The following PRKN variants were observed in gnomAD, a reference collection of about 807,000 sequenced individuals.
PRKN encodes the protein E3 ubiquitin-protein ligase parkin.
A neutral mutation model predicts 59.5 loss-of-function variants in PRKN; 56 were observed. The ratio of observed to expected loss-of-function variants is 0.94; its 90% CI spans 0.76 to 1.18. The LOEUF (loss-of-function observed/expected upper bound fraction) is 1.18, where lower values mean the gene tolerates loss of function less well. PRKN is among the 50% of genes most tolerant of loss of function. PRKN has a pLI of 0.00. For missense variants in PRKN, 657 were observed against 596.4 expected, an observed-to-expected ratio of 1.10 and a Z score of -1.06; for synonymous variants, 250 against 222.1, an observed-to-expected ratio of 1.13 and a Z score of -1.12.
chr6:162,560,361 A>G (rs1012256675), intron 1 of PRKN, among the ~76,000 whole-genome samples: 7 of 152,312 alleles, frequency 4.6e-5, no homozygotes, highest in South Asian at 4.1e-4. Flanking sequence ...TCAATTACCT[A>G]TAAGTTTATA....
In PRKN at chr6:162,216,281, A is replaced by G. The variant is rs555675746; in HGVS notation, c.413-15029T>C. On this transcript the variant is annotated intron_variant, in intron 3 of 11. Transcript: ENST00000366898. ...CGCGGTGGCTCACGCCTGTAATCCCAGCACTTTGGGAGGCCGAGGCGGGTG... is the reference window on the plus strand; with the variant it reads ...CGCGGTGGCTCACGCCTGTAATCCCGGCACTTTGGGAGGCCGAGGCGGGTG... Among the ~76,000 whole-genome samples, 84 of 152,172 alleles carry G rather than the reference A, an allele frequency of 5.5e-4. 1 individual carries two copies. Among genetic ancestry groups the G allele is most frequent in the African/African-American group, 1.6e-3 (68 of 41,524 alleles).
At chr6:162,624,143 G>A (rs915532721) in intron 1 of PRKN, among the ~76,000 whole-genome samples, 11 of 151,810 alleles carry the variant, frequency 7.2e-5, no homozygotes, top group South Asian at 4.2e-4. Context: ...AGCTACTCGG[G>A]AGGCTGAGGC....
At chr6:162,724,590 T>C (rs988506985) in intron 1 of PRKN, among the ~76,000 whole-genome samples, 3 of 152,052 alleles carry the variant, frequency 2.0e-5, no homozygotes. Context: ...TAAAGAACAA[T>C]AAAATTAAAA....
At chr6:161,727,544 A>G (rs1313188568) in intron 7 of PRKN, among the ~76,000 whole-genome samples, 1 of 152,236 alleles carries the variant, frequency 6.6e-6, no homozygotes, top group African/African-American at 2.4e-5. Flanking sequence ...TTGATTGTAG[A>G]GAAAGTCTGC....
At chr6:161,586,335 C>T (rs1026237008) in intron 7 of PRKN, among the ~76,000 whole-genome samples, 1 of 152,162 alleles carries the variant, frequency 6.6e-6, no homozygotes, top group African/African-American at 2.4e-5. Context: ...TTGGTTTTGT[C>T]ACTATATTGC....
chr6:162,371,250 C>A (rs1429501947), intron 2 of PRKN, among the ~76,000 whole-genome samples: 1 of 152,158 alleles, frequency 6.6e-6, no homozygotes, highest in African/African-American at 2.4e-5. Context: ...TGGGCCCCGA[C>A]CCAAATCCTC....
intron 4 of PRKN, among the ~76,000 whole-genome samples, chr6:162,184,065 CTTTAAT>C (rs1783918097): frequency 6.6e-6 from 1 of 152,084 alleles, no homozygotes; most frequent in Non-Finnish European, 1.5e-5. Flanking sequence ...ATTTAATTTT[CTTTAAT>C]TTTAATTCAT....
intron 9 of PRKN, among the ~76,000 whole-genome samples, chr6:161,426,624 C>G (rs1481556165): frequency 7.5e-6 from 1 of 132,550 alleles, no homozygotes; most frequent in Non-Finnish European, 1.7e-5. Context: ...TGAGTTAATA[C>G]TACTTAATAA....
intron 9 of PRKN, among the ~76,000 whole-genome samples, chr6:161,449,807 T>C (rs1789647734): frequency 6.6e-6 from 1 of 152,190 alleles, no homozygotes; most frequent in Admixed American, 6.5e-5. Flanking sequence ...GTTATTGTTC[T>C]ACACAGACAG....
At chr6:162,182,943 T>A (rs535552436) in intron 4 of PRKN, among the ~76,000 whole-genome samples, 2 of 152,276 alleles carry the variant, frequency 1.3e-5, no homozygotes, top group South Asian at 4.1e-4. Context: ...TAAAATGCAT[T>A]ATTATTGGGT....
intron 7 of PRKN, among the ~76,000 whole-genome samples, chr6:161,644,186 T>C (rs1365624175): frequency 6.6e-6 from 1 of 152,098 alleles, no homozygotes; most frequent in Non-Finnish European, 1.5e-5. Context: ...GTCAGCTAAT[T>C]AGGAGGCTTA....
chr6:162,556,213 C>G (rs1037169872), intron 1 of PRKN, among the ~76,000 whole-genome samples: 15 of 151,998 alleles, frequency 9.9e-5, no homozygotes, highest in Admixed American at 1.3e-4. Context: ...AAATCTCAAA[C>G]CTGTTGCACA....
At chr6:162,371,011 G>A (rs1199588318) in intron 2 of PRKN, among the ~76,000 whole-genome samples, 1 of 152,176 alleles carries the variant, frequency 6.6e-6, no homozygotes, top group East Asian at 1.9e-4. Flanking sequence ...TTAGCCCAAT[G>A]GCCATCACTG....
intron 7 of PRKN, among the ~76,000 whole-genome samples, chr6:161,591,105 A>G (rs1446735504): frequency 6.6e-6 from 1 of 152,228 alleles, no homozygotes; most frequent in Non-Finnish European, 1.5e-5. Context: ...GTAAAGGACC[A>G]TCATGTTGGC....
intron 5 of PRKN, among the ~76,000 whole-genome samples, chr6:162,051,664 G>A (rs1396091977): frequency 6.6e-6 from 1 of 151,934 alleles, no homozygotes; most frequent in Non-Finnish European, 1.5e-5. Flanking sequence ...GACCTTCCCT[G>A]GAACCCAGGG....
chr6:161,420,448 G>A (rs149124868), intron 9 of PRKN, among the ~76,000 whole-genome samples: 326 of 152,244 alleles, frequency 2.1e-3, no homozygotes, highest in African/African-American at 7.5e-3. Flanking sequence ...GATGCCAACT[G>A]TTGGTGCCAG....
intron 2 of PRKN, among the ~76,000 whole-genome samples, chr6:162,378,770 GA>G (rs765992401): frequency 5.3e-5 from 8 of 152,164 alleles, no homozygotes; most frequent in Non-Finnish European, 1.2e-4. Flanking sequence ...AACTACTTAG[GA>G]AACTTATGCT....
In PRKN at chr6:161,456,743, A is replaced by C. The variant is rs1007472758; in HGVS notation, c.1084-69866T>G. 1.3e-5 allele frequency among the ~76,000 whole-genome samples: 2 copies of C among 152,166 alleles called. No homozygotes were observed. Among genetic ancestry groups the C allele is most frequent in the Admixed American group, 1.3e-4 (2 of 15,278 alleles). ...GAATGCTGACCTGGGTCTGCTTTGT[A>C]TGGGTGGTCAGAGGGTGAAAGGGTC... On this transcript the variant is annotated intron_variant, in intron 9 of 11. Coordinates refer to ENST00000366898, the MANE Select transcript of PRKN (RefSeq NM_004562.3). This position sits in a 1 kb window ranked among gnomAD's most constrained non-coding sequence, Gnocchi z 4.8.
chr6:161,787,517 T>C (rs973387168), intron 6 of PRKN, among the ~76,000 whole-genome samples: 1 of 152,244 alleles, frequency 6.6e-6, no homozygotes, highest in African/African-American at 2.4e-5. Flanking sequence ...ACAGCTGTTA[T>C]GTGAAAAATA....
Sources: gnomAD v4.1 joint callset for allele counts (sites outside exome capture counted in the v4.1 genomes callset) on GRCh38, gnomAD v4.1.1 for gene constraint, Gnocchi (gnomAD v3.1) non-coding constraint, MANE v1.5 for transcripts, NCBI Gene and HGNC (gene_info 2026-07-23, HGNC 2026-07-21) for gene names.